The following HMCN1 variants were observed in gnomAD, a reference collection of about 807,000 sequenced individuals.
HMCN1 encodes the protein hemicentin-1.
HMCN1 carries 321 observed loss-of-function variants against 625.9 expected under a neutral mutation model. The observed-to-expected ratio is 0.51, with a 90% confidence interval of 0.47 to 0.56. HMCN1 has a LOEUF of 0.56. Ranked by LOEUF, HMCN1 falls within the 20% of genes least tolerant of loss-of-function variation. HMCN1 has a pLI of 0.00. For synonymous variants in HMCN1, 2,425 were observed against 2,417.6 expected (o/e 1.00, Z -0.09); for missense variants, 6,588 against 6,887.3 (o/e 0.96, Z 1.54).
At position 185,993,324 on chromosome 1, in the gene HMCN1, G is replaced by A; in HGVS notation, c.3505+15G>A. ...AAATGTCCATGGTGAGTCTTGAAAT[G>A]AGAACATATGACAACCCTGTGGACT... On this transcript the variant is annotated intron_variant, in intron 23 of 106. Coordinates refer to ENST00000271588, the MANE Select transcript of HMCN1 (RefSeq NM_031935.3). The A allele has an allele frequency of 6.2e-7, 1 of 1,611,858 alleles. No homozygotes were observed. The highest frequency in any genetic ancestry group is 2.2e-5 in the East Asian group (1 of 44,774).
Position 186,057,236 on chromosome 1 carries a change from C to T in HMCN1, c.7147C>T (p.Pro2383Ser). The change falls in exon 46 of 107, where the codon CCT (proline) becomes TCT (serine). Residue 2383 changes from proline to serine, a missense_variant and splice_region_variant. Transcript: ENST00000271588. ...DKKYDLSVHA[P>S]PSIIGNHRSP... Reference sequence around the variant, plus strand: ...GTTTGTTTTATTTTGTCTTACAGCTCCTCCAAGCATCATAGGAAACCACAG... The same window carrying T: ...GTTTGTTTTATTTTGTCTTACAGCTTCTCCAAGCATCATAGGAAACCACAG... 1 of 1,610,242 alleles carries T rather than the reference C, an allele frequency of 6.2e-7. No individual in the cohort carries two copies.
At chr1:185,827,171 CAA>C (rs756416016) in intron 1 of HMCN1, among the ~76,000 whole-genome samples, 13 of 43,166 alleles carry the variant, frequency 3.0e-4, no homozygotes, top group African/African-American at 7.5e-4. Context: ...GACTCCATCT[CAA>C]AAAAAAAAAA....
At chr1:185,868,507 A>T (rs567584767) in intron 4 of HMCN1, among the ~76,000 whole-genome samples, 1 of 152,200 alleles carries the variant, frequency 6.6e-6, no homozygotes, top group Non-Finnish European at 1.5e-5. Flanking sequence ...TGGTTTTATA[A>T]GGGGCCTTTC....
Position 186,015,989 on chromosome 1 carries a change from G to T in HMCN1, c.4941G>T (p.Thr1647=). Residue 1647 remains threonine (T), a synonymous_variant, in exon 32 of 107, where the codon ACG becomes ACT. Transcript: ENST00000271588. ...VPPMIEGNLA[T]PLNKQVVIAH... is the part of the protein sequence containing the mutation. ...CAATGATTGAAGGCAACTTGGCCACGCCTTTGAATAAGCAAGTAGTTATTG... is the reference window on the plus strand; with the variant it reads ...CAATGATTGAAGGCAACTTGGCCACTCCTTTGAATAAGCAAGTAGTTATTG... 6.2e-7 allele frequency: 1 copy of T among 1,613,346 alleles called. No homozygotes were observed. Among genetic ancestry groups the T allele is most frequent in the Non-Finnish European group, 8.5e-7 (1 of 1,179,442 alleles).
intron 19 of HMCN1, among the ~76,000 whole-genome samples, chr1:185,986,382 C>T (rs1281004330): frequency 1.3e-5 from 2 of 152,044 alleles, no homozygotes; most frequent in Non-Finnish European, 2.9e-5. Context: ...GGGAGCAGTT[C>T]CAGTCTCATC....
intron 28 of HMCN1, among the ~76,000 whole-genome samples, chr1:186,002,775 G>A (rs150532020): frequency 2.8e-4 from 43 of 152,160 alleles, no homozygotes; most frequent in African/African-American, 1.0e-3. Flanking sequence ...CCCAGTGAAA[G>A]CCAGTTCTGG....
intron 4 of HMCN1, among the ~76,000 whole-genome samples, chr1:185,901,331 CTTCTTTTTTCT>C (rs1327208415): frequency 6.6e-6 from 1 of 151,586 alleles, no homozygotes; most frequent in African/African-American, 2.4e-5. Flanking sequence ...TCCTTATTTC[CTTCTTTTTTCT>C]TTCTTTTTCT....
At position 185,997,497 on chromosome 1, in the gene HMCN1, C is replaced by T. The variant is rs781327521; in HGVS notation, c.3847C>T (p.Arg1283Cys). Reference protein sequence around the residue: ...TTFQERVANQRIEFPCPAKGT... With the variant: ...TTFQERVANQCIEFPCPAKGT... The stretch of plus-strand genomic sequence containing the variant: ...TTTCCAAGAAAGAGTGGCCAATCAA[C>T]GCATTGAATTTCCATGTCCTGCAAA... The change falls in exon 25 of 107, where the codon CGC (arginine) becomes TGC (cysteine). Residue 1283 changes from arginine to cysteine, a missense_variant. Arg to Cys is a radical substitution (Grantham distance 180, BLOSUM62 -3). Transcript: ENST00000271588. The T allele has an allele frequency of 3.8e-5, 62 of 1,611,132 alleles. No homozygotes were observed. The highest frequency in any genetic ancestry group is 7.7e-5 in the South Asian group (7 of 91,038).
chr1:185,919,595 T>C (rs1666900100), intron 6 of HMCN1, among the ~76,000 whole-genome samples: 3 of 152,172 alleles, frequency 2.0e-5, no homozygotes, highest in South Asian at 2.1e-4. Flanking sequence ...AGAAGTTCCA[T>C]ATAACTCTCC....
At chr1:185,848,911 C>G (rs1210765895) in intron 2 of HMCN1, among the ~76,000 whole-genome samples, 1 of 152,140 alleles carries the variant, frequency 6.6e-6, no homozygotes, top group African/African-American at 2.4e-5. Flanking sequence ...TTAGTCTAAA[C>G]AAATGCAGAA....
chr1:185,825,457 A>G (rs532332228), intron 1 of HMCN1, among the ~76,000 whole-genome samples: 1 of 152,280 alleles, frequency 6.6e-6, no homozygotes, highest in African/African-American at 2.4e-5. Flanking sequence ...GCTAACTTCT[A>G]TTTGTAAATG....
chr1:185,888,523 A>C (rs1387682796), intron 4 of HMCN1, among the ~76,000 whole-genome samples: 1 of 143,356 alleles, frequency 7.0e-6, no homozygotes, highest in Non-Finnish European at 1.5e-5. Flanking sequence ...AGCTTTCTAC[A>C]TATGGCTAGC....
chr1:185,948,790 G>A (rs1668482078), intron 11 of HMCN1, among the ~76,000 whole-genome samples: 1 of 151,610 alleles, frequency 6.6e-6, no homozygotes. Context: ...TGTCGGGGCG[G>A]TGAAAATTTT....
At chr1:185,896,637 C>T (rs1665504923) in intron 4 of HMCN1, among the ~76,000 whole-genome samples, 1 of 152,016 alleles carries the variant, frequency 6.6e-6, no homozygotes, top group Non-Finnish European at 1.5e-5. Context: ...ACAGAAAGAT[C>T]CTTGGAACGG....
At chr1:185,894,781 G>T (rs1324070567) in intron 4 of HMCN1, among the ~76,000 whole-genome samples, 1 of 152,110 alleles carries the variant, frequency 6.6e-6, no homozygotes, top group Non-Finnish European at 1.5e-5. Flanking sequence ...GAGAAATATG[G>T]TGACAATTAT....
At chr1:185,922,633 C>T (rs1667058830) in intron 7 of HMCN1, 134 bp downstream of exon 7, 1 of 807,964 alleles carries the variant, frequency 1.2e-6, no homozygotes, top group Non-Finnish European at 2.0e-6. Context: ...TGACTGTTCT[C>T]TTGGCCTAAT....
chr1:185,963,990 C>A, intron 13 of HMCN1, 95 bp downstream of exon 13: 2 of 992,980 alleles, frequency 2.0e-6, no homozygotes, highest in Non-Finnish European at 3.2e-6. Flanking sequence ...ATTAGTAATG[C>A]ATACATGGTA....
At chr1:186,163,413 A>C (rs1046236540) in intron 97 of HMCN1, among the ~76,000 whole-genome samples, 8 of 152,202 alleles carry the variant, frequency 5.3e-5, no homozygotes, top group Admixed American at 2.0e-4. Flanking sequence ...CGCTGCACCC[A>C]CTGACCTGCA....
At chr1:185,918,575 C>A (rs1666845924) in intron 6 of HMCN1, among the ~76,000 whole-genome samples, 1 of 152,148 alleles carries the variant, frequency 6.6e-6, no homozygotes, top group Non-Finnish European at 1.5e-5. Context: ...TCAATCCAAT[C>A]AAGCTGATAC....
Sources: allele counts gnomAD v4.1 joint callset (sites outside exome capture counted in the v4.1 genomes callset), GRCh38; gene constraint gnomAD v4.1.1; transcripts MANE v1.5; gene names NCBI Gene and HGNC (gene_info 2026-07-23, HGNC 2026-07-21).